EDA: variants seen among roughly 807,000 people sequenced by gnomAD.
The protein encoded by EDA is ectodysplasin-A.
In EDA, 2 loss-of-function variants were observed where a neutral mutation model predicts 23.6. That is an observed-to-expected ratio of 0.08 (90% CI 0.03 to 0.27). The LOEUF (loss-of-function observed/expected upper bound fraction) is 0.27. Among genes scored for constraint, EDA ranks in the 10% least tolerant of loss-of-function variants. The probability of loss-of-function intolerance (pLI) is 1.00; values close to 1 mark genes in which losing one functional copy is unlikely to be tolerated. For synonymous variants in EDA, 131 were observed against 132.0 expected, an observed-to-expected ratio of 0.99 and a Z score of 0.05; for missense variants, 229 against 324.2, an observed-to-expected ratio of 0.71 and a Z score of 2.26.
In EDA at chrX:70,027,926, C is replaced by T; in HGVS notation, c.596C>T (p.Pro199Leu). The T allele has an allele frequency of 8.5e-7, 1 of 1,179,072 alleles. No homozygotes were observed. The highest frequency in any genetic ancestry group is 1.9e-5 in the South Asian group (1 of 53,501). ...CCAGGACCTCCAGGACCCCAGGGAC[C>T]CCCAGGAATTCCAGGGATTCCTGGA... ...GPPGPPGPQGPPGIPGIPGIP... is the reference protein window; with the variant it reads ...GPPGPPGPQGLPGIPGIPGIP... Residue 199 changes from proline to leucine, a missense_variant, in exon 4 of 8, where the codon CCC becomes CTC. By Grantham distance (98) the Pro-to-Leu change is moderately conservative (BLOSUM62 -3). Around this residue, in one of 2 missense-constraint regions of EDA, gnomAD observed 175 missense variants for 281.8 expected, o/e 0.62. Transcript: ENST00000374552.
chrX:69,820,331 C>T (rs1401364784), intron 1 of EDA, among the ~76,000 whole-genome samples: 6 of 111,621 alleles, frequency 5.4e-5, no homozygotes, highest in African/African-American at 6.5e-5. Context: ...GACATTGGCA[C>T]GGGTAAAGAT....
chrX:69,828,834 A>C (rs2016534349), intron 1 of EDA, among the ~76,000 whole-genome samples: 1 of 112,351 alleles, frequency 8.9e-6, no homozygotes, highest in Admixed American at 9.4e-5. Flanking sequence ...TTACCTTTCT[A>C]GATTGTTACA....
rs751957411 is a variant in EDA, at chrX:69,966,573, C to CA, written c.502+9458dup. On this transcript the variant is annotated intron_variant, in intron 2 of 7. Transcript: ENST00000374552. ...TGGGCGAAAGAGTGAGACTCCATCT[C>CA]AAAAAAAAAAAAAAAAATGAGAATT... Among the ~76,000 whole-genome samples, 337 of 43,949 alleles carry CA rather than the reference C, an allele frequency of 7.7e-3. 9 individuals carry two copies. In the East Asian group the frequency reaches 0.15, roughly 19 times the overall value. The allele number at this position is 43,949 out of a possible 115,157, so 38.2% of individuals were successfully genotyped here. A position where few individuals can be genotyped will look rare whatever the true frequency, so the allele number is the denominator to read the frequency against.
At chrX:69,916,563 C>T (rs184577317) in intron 1 of EDA, among the ~76,000 whole-genome samples, 175 of 108,716 alleles carry the variant, frequency 1.6e-3, no homozygotes, top group African/African-American at 5.5e-3. Context: ...CCACCACGCC[C>T]GGCTAATTTT....
At chrX:69,946,684 T>C (rs2018838385) in intron 1 of EDA, among the ~76,000 whole-genome samples, 1 of 111,402 alleles carries the variant, frequency 9.0e-6, no homozygotes, top group African/African-American at 3.3e-5. Context: ...GTTGCAACTC[T>C]GTTTTCACTA....
At chrX:69,737,875 C>T (rs1224552991) in intron 1 of EDA, among the ~76,000 whole-genome samples, 4 of 110,222 alleles carry the variant, frequency 3.6e-5, no homozygotes, top group Non-Finnish European at 7.6e-5. Flanking sequence ...TCTTTCATCA[C>T]TTCAAATATG....
At chrX:69,812,487 T>G (rs1378115903) in intron 1 of EDA, among the ~76,000 whole-genome samples, 1 of 112,450 alleles carries the variant, frequency 8.9e-6, no homozygotes, top group East Asian at 2.8e-4. Context: ...ATTCTTCATC[T>G]GTAAATTTGT....
At chrX:69,755,297 G>T (rs1481741191) in intron 1 of EDA, among the ~76,000 whole-genome samples, 1 of 112,027 alleles carries the variant, frequency 8.9e-6, no homozygotes, top group African/African-American at 3.2e-5. Context: ...ACCCTCATCT[G>T]CAGGTCTGTT....
At chrX:69,751,618 G>T (rs1243333561) in intron 1 of EDA, among the ~76,000 whole-genome samples, 2 of 112,015 alleles carry the variant, frequency 1.8e-5, no homozygotes, top group African/African-American at 6.5e-5. Context: ...ACCTTGGACA[G>T]TATGGCCATT....
At chrX:69,797,495 G>C (rs1410252409) in intron 1 of EDA, among the ~76,000 whole-genome samples, 1 of 110,992 alleles carries the variant, frequency 9.0e-6, no homozygotes, top group Non-Finnish European at 1.9e-5. Context: ...ACTATACCCA[G>C]CAAAATTGCT....
chrX:69,779,173 A>AG (rs1187270696), intron 1 of EDA, among the ~76,000 whole-genome samples: 1 of 111,633 alleles, frequency 9.0e-6, no homozygotes, highest in Non-Finnish European at 1.9e-5. Context: ...TTCCATTCTA[A>AG]GGTATATACC....
chrX:69,675,501 A>T (rs1324751890), intron 1 of EDA, among the ~76,000 whole-genome samples: 1 of 111,589 alleles, frequency 9.0e-6, no homozygotes, highest in Non-Finnish European at 1.9e-5. Flanking sequence ...CACCATGGAG[A>T]CATTTTGATC....
chrX:69,841,246 AGAG>A (rs1370835696), intron 1 of EDA, among the ~76,000 whole-genome samples: 12 of 112,141 alleles, frequency 1.1e-4, no homozygotes, highest in Non-Finnish European at 1.9e-4. Context: ...GGTCAATAGT[AGAG>A]GAGAACAGCA....
intron 2 of EDA, among the ~76,000 whole-genome samples, chrX:69,988,275 G>A (rs112647231): frequency 0.033 from 3,695 of 111,993 alleles, 154 homozygotes; most frequent in African/African-American, 0.11. Context: ...GGGCTGAGAG[G>A]AGAGTGGGGA....
At chrX:69,642,308 T>C (rs1287733947) in intron 1 of EDA, among the ~76,000 whole-genome samples, 1 of 111,560 alleles carries the variant, frequency 9.0e-6, no homozygotes, top group Non-Finnish European at 1.9e-5. Flanking sequence ...TAAAATAATA[T>C]ACGAATGATT....
chrX:69,993,351 G>T (rs368652214), intron 2 of EDA, among the ~76,000 whole-genome samples: 10 of 111,275 alleles, frequency 9.0e-5, no homozygotes, highest in East Asian at 5.6e-4. Context: ...AGGATCAGGG[G>T]TAGGGATTAA....
intron 1 of EDA, among the ~76,000 whole-genome samples, chrX:69,727,852 GT>G: frequency 8.9e-6 from 1 of 111,851 alleles, no homozygotes; most frequent in Non-Finnish European, 1.9e-5. Flanking sequence ...TTTTTGGTTT[GT>G]TGCTGTTTCT....
intron 1 of EDA, among the ~76,000 whole-genome samples, chrX:69,953,128 G>A (rs925704252): frequency 6.3e-5 from 7 of 111,639 alleles, no homozygotes; most frequent in East Asian, 5.6e-4. Context: ...TGGAAAAGCC[G>A]TTCAAAACCA....
At chrX:69,889,750 T>C (rs768898561) in intron 1 of EDA, among the ~76,000 whole-genome samples, 3 of 112,310 alleles carry the variant, frequency 2.7e-5, no homozygotes, top group Non-Finnish European at 5.6e-5. Context: ...TTCACTTTCT[T>C]ATGCTGTTCT....
Sources: allele counts gnomAD v4.1 joint callset (sites outside exome capture counted in the v4.1 genomes callset), GRCh38; gene constraint gnomAD v4.1.1; regional missense constraint gnomAD v4.1.1; transcripts MANE v1.5; gene names NCBI Gene and HGNC (gene_info 2026-07-23, HGNC 2026-07-21).